Variants in SYT1 observed in about 807,000 individuals in gnomAD.
SYT1 encodes synaptotagmin-1.
A neutral mutation model predicts 44.8 loss-of-function variants in SYT1; 8 were observed. The observed-to-expected ratio is 0.18, with a 90% CI of 0.10 to 0.32. SYT1 has a LOEUF of 0.32. SYT1 is among the 10% of genes least tolerant of loss of function. The probability of loss-of-function intolerance (pLI) is 1.00; values close to 1 mark genes in which losing one functional copy is unlikely to be tolerated. For synonymous variants in SYT1, 154 were observed against 188.8 expected (o/e 0.82, Z 1.51); for missense variants, 286 against 509.3 (o/e 0.56, Z 4.22).
intron 4 of SYT1, among the ~76,000 whole-genome samples, chr12:79,273,203 A>G (rs1039183989): frequency 6.6e-6 from 1 of 151,488 alleles, no homozygotes. Flanking sequence ...GGCAGGCTCA[A>G]ACTCCTGGGC....
At chr12:79,350,466 A>G (rs976968810) in intron 8 of SYT1, among the ~76,000 whole-genome samples, 1 of 151,734 alleles carries the variant, frequency 6.6e-6, no homozygotes, top group Non-Finnish European at 1.5e-5. Context: ...GTTAGCCAGG[A>G]TGGTCTCGAT....
intron 8 of SYT1, among the ~76,000 whole-genome samples, chr12:79,319,725 T>C (rs1218916569): frequency 6.6e-6 from 1 of 152,230 alleles, no homozygotes; most frequent in African/African-American, 2.4e-5. Flanking sequence ...TTCCATGATA[T>C]ACATATGCAT....
chr12:79,325,587 A>G (rs921253239), intron 8 of SYT1, among the ~76,000 whole-genome samples: 2 of 152,234 alleles, frequency 1.3e-5, no homozygotes, highest in Non-Finnish European at 1.5e-5. Flanking sequence ...TGAAACTTAC[A>G]GTTTATGGAA....
At chr12:79,190,438 A>G (rs1918202) in intron 3 of SYT1, among the ~76,000 whole-genome samples, 46,413 of 151,990 alleles carry the variant, frequency 0.31, 8,952 homozygotes, top group Admixed American at 0.44. Flanking sequence ...AAACACCCAC[A>G]CACACACATA....
At chr12:79,405,137 C>A (rs1034565984) in intron 9 of SYT1, among the ~76,000 whole-genome samples, 13 of 152,142 alleles carry the variant, frequency 8.5e-5, no homozygotes, top group Non-Finnish European at 2.9e-5. Flanking sequence ...GAATGTTTGT[C>A]ATTAGCATTT....
chr12:79,213,768 T>C (rs1170075763), intron 3 of SYT1, among the ~76,000 whole-genome samples: 2 of 151,956 alleles, frequency 1.3e-5, no homozygotes, highest in African/African-American at 4.8e-5. Context: ...CTACTGAAAA[T>C]ACAAAAATTA....
chr12:79,160,492 A>C (rs1870883520), intron 3 of SYT1, among the ~76,000 whole-genome samples: 1 of 152,064 alleles, frequency 6.6e-6, no homozygotes, highest in Admixed American at 6.6e-5. Flanking sequence ...ATGAAAGGAG[A>C]CAGATTCAAG....
chr12:79,276,398 T>C (rs1878722603), intron 4 of SYT1, among the ~76,000 whole-genome samples: 1 of 151,190 alleles, frequency 6.6e-6, no homozygotes, highest in South Asian at 2.1e-4. Flanking sequence ...ACAGAATTAG[T>C]GGGGCGCAAT....
intron 3 of SYT1, among the ~76,000 whole-genome samples, chr12:79,179,478 G>GATATAATCTATATAGATAT (rs1565842326): frequency 5.6e-5 from 1 of 17,998 alleles, no homozygotes; most frequent in Non-Finnish European, 1.4e-4. Context: ...TATAGATATA[G>GATATAATCTATATAGATAT]AGATATAGAT....
At chr12:79,242,822 T>C (rs534730595) in intron 4 of SYT1, among the ~76,000 whole-genome samples, 13 of 152,354 alleles carry the variant, frequency 8.5e-5, no homozygotes, top group Admixed American at 2.0e-4. Flanking sequence ...ATATAACTTC[T>C]ATGTAACTTT....
chr12:79,225,570 G>A (rs573306820), intron 4 of SYT1, among the ~76,000 whole-genome samples: 55 of 152,288 alleles, frequency 3.6e-4, no homozygotes, highest in African/African-American at 1.3e-3. Flanking sequence ...TATATTATGG[G>A]TGCAAACTTT....
chr12:79,077,834 C>T (rs1876759874), intron 3 of SYT1, among the ~76,000 whole-genome samples: 1 of 151,950 alleles, frequency 6.6e-6, no homozygotes, highest in African/African-American at 2.4e-5. Context: ...ATCTTGCTGG[C>T]CCTATTAGAA....
intron 4 of SYT1, among the ~76,000 whole-genome samples, chr12:79,219,868 A>C (rs959617672): frequency 1.3e-5 from 2 of 152,046 alleles, no homozygotes; most frequent in Non-Finnish European, 2.9e-5. Flanking sequence ...GTTCCATACA[A>C]ATTTTTATTT....
At chr12:79,135,933 G>A (rs978822192) in intron 3 of SYT1, among the ~76,000 whole-genome samples, 9 of 152,132 alleles carry the variant, frequency 5.9e-5, no homozygotes, top group African/African-American at 2.2e-4. Flanking sequence ...TAAACTTGGA[G>A]AAGCAAATCA....
intron 1 of SYT1, among the ~76,000 whole-genome samples, chr12:78,949,058 T>A (rs1017091672): frequency 1.8e-4 from 27 of 151,260 alleles, no homozygotes; most frequent in African/African-American, 6.5e-4. Context: ...TTAGTCATAC[T>A]AAGTTCAGTG....
intron 3 of SYT1, among the ~76,000 whole-genome samples, chr12:79,163,362 C>T (rs1223041037): frequency 1.3e-5 from 2 of 152,092 alleles, no homozygotes; most frequent in Non-Finnish European, 2.9e-5. Context: ...TTATCTGGCT[C>T]ATGGGGGCCT....
At chr12:79,056,036 G>T (rs975181401) in intron 3 of SYT1, among the ~76,000 whole-genome samples, 3 of 151,984 alleles carry the variant, frequency 2.0e-5, no homozygotes, top group South Asian at 2.1e-4. Context: ...ACAGTGACAT[G>T]TACAGGTTTG....
In SYT1 at chr12:79,074,686, C is replaced by A. The variant is rs527871598; in HGVS notation, c.-18+27324C>A. Among the ~76,000 whole-genome samples the A allele has an allele frequency of 2.0e-5, 3 of 152,242 alleles. No homozygotes were observed. The East Asian group carries it at 5.8e-4, about 29-fold the overall frequency. ...CTCCTATTCTTGACTTTCCCCTCGA[C>A]CTGTACCCTGCTATTATCATGCTTC... On this transcript the variant is annotated intron_variant, in intron 3 of 10. Transcript: ENST00000261205.
chr12:79,193,973 A>AC (rs1265564731), intron 3 of SYT1, among the ~76,000 whole-genome samples: 4 of 152,196 alleles, frequency 2.6e-5, no homozygotes, highest in Non-Finnish European at 5.9e-5. Context: ...GCTTTAAAAA[A>AC]TACAGACTCA....
Sources: gnomAD v4.1 joint callset for allele counts (sites outside exome capture counted in the v4.1 genomes callset) on GRCh38, gnomAD v4.1.1 for gene constraint, MANE v1.5 for transcripts, NCBI Gene and HGNC (gene_info 2026-07-23, HGNC 2026-07-21) for gene names.